The following CNTNAP3 variants were observed in gnomAD, a reference collection of about 807,000 sequenced individuals.
CNTNAP3 encodes contactin associated protein family member 3, also known as contactin-associated protein-like 3.
Under a neutral mutation model 92.1 loss-of-function variants are expected in CNTNAP3, and 36 were observed. The ratio of observed to expected loss-of-function variants is 0.39; its 90% CI spans 0.30 to 0.52. CNTNAP3 has a LOEUF of 0.52. CNTNAP3 is among the 20% of genes least tolerant of loss of function. The probability of loss-of-function intolerance (pLI) is 0.76; values close to 1 mark genes in which losing one functional copy is unlikely to be tolerated. For synonymous variants in CNTNAP3, 232 were observed against 422.3 expected (o/e 0.55, Z 5.53); for missense variants, 534 against 1,069.6 (o/e 0.50, Z 6.98).
chr9:39,124,312 T>C (rs569577317), intron 13 of CNTNAP3, among the ~76,000 whole-genome samples: 29 of 152,210 alleles, frequency 1.9e-4, no homozygotes, highest in Non-Finnish European at 3.4e-4. Context: ...AGTGAGGATA[T>C]GGAATCATAT....
rs1228534892 is a variant in CNTNAP3 at position 39,065,565 on chromosome 9, G to A, written c.*8325C>T. Among the ~76,000 whole-genome samples the A allele has an allele frequency of 3.3e-5, 5 of 151,898 alleles. No individual in the cohort carries two copies. The highest frequency in any genetic ancestry group is 7.4e-5 in the Non-Finnish European group (5 of 67,992). ...AATGTTAAACAATTTTTCCTAAGTG[G>A]TTGTAGCATTTTACATTCCAACAAT... On this transcript the variant is annotated 3_prime_UTR_variant, in exon 24 of 24. Coordinates refer to ENST00000297668, the MANE Select transcript of CNTNAP3 (RefSeq NM_033655.5).
chr9:39,137,144 T>A (rs994001649), intron 12 of CNTNAP3, among the ~76,000 whole-genome samples: 4 of 151,950 alleles, frequency 2.6e-5, no homozygotes, highest in Non-Finnish European at 5.9e-5. Flanking sequence ...GTTGTGCCAC[T>A]GTACTCAGAT....
chr9:39,110,180 G>A (rs964336290), intron 14 of CNTNAP3, among the ~76,000 whole-genome samples: 3 of 152,152 alleles, frequency 2.0e-5, no homozygotes, highest in Non-Finnish European at 4.4e-5. Context: ...CAGATTGCTT[G>A]AGCTCTGGAG....
rs550147876 is a variant in CNTNAP3 at position 39,159,286 on chromosome 9, T to C, written c.1477+6647A>G. On this transcript the variant is annotated intron_variant, in intron 9 of 23. Transcript: ENST00000297668. ...AAGGCCATACACAATCCAAACAAAA[T>C]AAAACACAGAAACTGTGTTGGCTAT... is the stretch of plus-strand genomic sequence containing the variant. 16 of 148,286 alleles carry C rather than the reference T, an allele frequency of 1.1e-4. 1 individual carries two copies. The highest frequency in any genetic ancestry group is 1.7e-4 in the Non-Finnish European group (11 of 66,556). The allele number at this position is 148,286 out of a possible 1,614,324, so 9.2% of individuals were successfully genotyped here. A position where few individuals can be genotyped will look rare whatever the true frequency, so the allele number is the denominator to read the frequency against.
At position 39,068,243 on chromosome 9, in the gene CNTNAP3, C is replaced by CAAAAAAAAAAAAAAAAAAAAAA. The variant is rs1198106886; in HGVS notation, c.*5625_*5646dup. Among the ~76,000 whole-genome samples the CAAAAAAAAAAAAAAAAAAAAAA allele has an allele frequency of 1.1e-4, 14 of 129,316 alleles. No homozygotes were observed. The highest frequency in any genetic ancestry group is 2.5e-4 in the South Asian group (1 of 4,074). The allele number at this position is 129,316 out of a possible 152,430, so 84.8% of individuals were successfully genotyped here. A position where few individuals can be genotyped will look rare whatever the true frequency, so the allele number is the denominator to read the frequency against. ...TGAAACCTTGCCTCCACTAAAAATA[C>CAAAAAAAAAAAAAAAAAAAAAA]AAAAAAAAAAAAAAAAAAAAAAATT... is the stretch of plus-strand genomic sequence containing the variant. On this transcript the variant is annotated 3_prime_UTR_variant, in exon 24 of 24. Transcript: ENST00000297668.
At chr9:39,082,556 G>A (rs1825971695) in intron 21 of CNTNAP3, among the ~76,000 whole-genome samples, 1 of 152,290 alleles carries the variant, frequency 6.6e-6, no homozygotes, top group Non-Finnish European at 1.5e-5. Flanking sequence ...ATCCACCATT[G>A]GCTCTGAGTG....
At chr9:39,170,059 C>CG (rs1822229900) in intron 8 of CNTNAP3, among the ~76,000 whole-genome samples, 1 of 244 alleles carries the variant, frequency 4.1e-3, no homozygotes, top group Non-Finnish European at 6.9e-3. Context: ...CGATTTTAAC[C>CG]TTTCTTGGAA....
chr9:39,071,246 G>A lies in CNTNAP3; in HGVS notation c.*2644C>T, dbSNP rs1418847713. Among the ~76,000 whole-genome samples, 3 of 150,448 alleles carry A rather than the reference G, an allele frequency of 2.0e-5. No individual in the cohort carries two copies. The highest frequency in any genetic ancestry group is 3.8e-4 in the East Asian group (2 of 5,198). On this transcript the variant is annotated 3_prime_UTR_variant, in exon 24 of 24. Coordinates refer to ENST00000297668, the MANE Select transcript of CNTNAP3 (RefSeq NM_033655.5). ...AATAGAGACAGAGTAATAGAGACACGGGGTAGAATATGTCACGTATCAGTA... is the reference window on the plus strand; with the variant it reads ...AATAGAGACAGAGTAATAGAGACACAGGGTAGAATATGTCACGTATCAGTA...
chr9:39,078,687 C>T lies in CNTNAP3; in HGVS notation c.3673+3G>A, dbSNP rs1351232592. ...AGGTGCGCAGGGGTGGAGGGCCACA[C>T]ACCTGCGCCCCCCGCGAGTCGGGGA... On this transcript the variant is annotated splice_donor_region_variant and intron_variant, in intron 22 of 23. Transcript: ENST00000297668. The T allele has an allele frequency of 1.4e-5, 21 of 1,536,988 alleles. No homozygotes were observed. The highest frequency in any genetic ancestry group is 2.1e-5 in the Admixed American group (1 of 47,044).
At chr9:39,149,372 C>T (rs7048534) in intron 10 of CNTNAP3, among the ~76,000 whole-genome samples, 1,861 of 150,800 alleles carry the variant, frequency 0.012, 33 homozygotes, top group African/African-American at 0.043. Context: ...TTTTTTGAGA[C>T]GCAGTCTCGC....
chr9:39,129,077 A>C (rs1587722332), intron 13 of CNTNAP3, among the ~76,000 whole-genome samples: 1 of 152,190 alleles, frequency 6.6e-6, no homozygotes, highest in South Asian at 2.1e-4. Flanking sequence ...CCCTTCATTG[A>C]GCTATTATGT....
chr9:39,159,645 TAG>T (rs1822040078), intron 9 of CNTNAP3: 5 of 138,716 alleles, frequency 3.6e-5, no homozygotes, highest in Non-Finnish European at 7.6e-5. Context: ...GATAGATAGA[TAG>T]ATAGATAGAT....
chr9:39,136,969 G>T (rs1484282635), intron 12 of CNTNAP3, among the ~76,000 whole-genome samples: 2 of 152,140 alleles, frequency 1.3e-5, no homozygotes, highest in African/African-American at 4.8e-5. Context: ...GAGTTTTGGG[G>T]GCATTTCTCC....
rs1281760014 is a variant in CNTNAP3 at position 39,066,091 on chromosome 9, C to T, written c.*7799G>A. 2.6e-5 allele frequency among the ~76,000 whole-genome samples: 4 copies of T among 152,286 alleles called. No homozygotes were observed. In the East Asian group the frequency reaches 7.7e-4, roughly 29 times the overall value. ...TTTAAAAATTTATTCTATTTCATCG[C>T]TGCATTGTAATATTATTGTGTAATA... On this transcript the variant is annotated 3_prime_UTR_variant, in exon 24 of 24. Coordinates refer to ENST00000297668, the MANE Select transcript of CNTNAP3 (RefSeq NM_033655.5).
rs1382150674 is a variant in CNTNAP3 at position 39,066,883 on chromosome 9, T to G, written c.*7007A>C. Reference sequence around the variant, plus strand: ...GGGGATGTTGAGCTGGGTCTGTGGGTTTATAGTTTGCATCAAATGTGGAAA... The same window carrying G: ...GGGGATGTTGAGCTGGGTCTGTGGGGTTATAGTTTGCATCAAATGTGGAAA... On this transcript the variant is annotated 3_prime_UTR_variant, in exon 24 of 24. Coordinates refer to ENST00000297668, the MANE Select transcript of CNTNAP3 (RefSeq NM_033655.5). Among the ~76,000 whole-genome samples the G allele has an allele frequency of 6.6e-6, 1 of 152,246 alleles. No homozygotes were observed. Among genetic ancestry groups the G allele is most frequent in the Non-Finnish European group, 1.5e-5 (1 of 68,044 alleles).
At chr9:39,135,261 C>A (rs920473699) in intron 12 of CNTNAP3, among the ~76,000 whole-genome samples, 1 of 151,968 alleles carries the variant, frequency 6.6e-6, no homozygotes, top group African/African-American at 2.4e-5. Flanking sequence ...TCTAATATAA[C>A]CCTTATATTT....
At chr9:39,140,711 A>T (rs1821555268) in intron 11 of CNTNAP3, 73 bp from the exon 12 acceptor site, 1 of 1,501,946 alleles carries the variant, frequency 6.7e-7, no homozygotes, top group African/African-American at 1.4e-5. Flanking sequence ...AAAGGTTTGC[A>T]TTTCTGAATT....
intron 15 of CNTNAP3, among the ~76,000 whole-genome samples, chr9:39,107,302 G>A (rs1215310061): frequency 1.3e-4 from 20 of 151,896 alleles, no homozygotes; most frequent in African/African-American, 4.8e-4. Flanking sequence ...AGAGAGGGAG[G>A]GAGGGAGTGG....
rs1825593624 is a variant in CNTNAP3 at position 39,069,562 on chromosome 9, T to C, written c.*4328A>G. Among the ~76,000 whole-genome samples, 2 of 127,118 alleles carry C rather than the reference T, an allele frequency of 1.6e-5. No individual in the cohort carries two copies. Among genetic ancestry groups the C allele is most frequent in the East Asian group, 5.3e-4 (2 of 3,782 alleles). The allele number at this position is 127,118 out of a possible 152,430, so 83.4% of individuals were successfully genotyped here. A position where few individuals can be genotyped will look rare whatever the true frequency, so the allele number is the denominator to read the frequency against. ...ACAATAAAATGCAAAAATATAATTT[T>C]AGGTCATAACCTATAGGCAATAAAC... On this transcript the variant is annotated 3_prime_UTR_variant, in exon 24 of 24. Coordinates refer to ENST00000297668, the MANE Select transcript of CNTNAP3 (RefSeq NM_033655.5).
Sources: gnomAD v4.1 joint callset for allele counts (sites outside exome capture counted in the v4.1 genomes callset) on GRCh38, gnomAD v4.1.1 for gene constraint, MANE v1.5 for transcripts, NCBI Gene and HGNC (gene_info 2026-07-23, HGNC 2026-07-21) for gene names.